Variants in RYR2 observed in about 807,000 individuals in gnomAD.
RYR2 encodes the protein cardiac muscle ryanodine receptor-calcium release channel.
RYR2 carries 227 observed loss-of-function variants against 601.1 expected under a neutral mutation model. The observed-to-expected ratio is 0.38, with a 90% CI of 0.34 to 0.42. The LOEUF (loss-of-function observed/expected upper bound fraction) is 0.42. RYR2 is among the 10% of genes least tolerant of loss of function. RYR2 has a pLI of 1.00. For synonymous variants in RYR2, 2,223 were observed against 2,175.1 expected, an observed-to-expected ratio of 1.02 and a Z score of -0.61; for missense variants, 4,646 against 6,156.5, an observed-to-expected ratio of 0.75 and a Z score of 8.21.
At chr1:237,585,672 G>C (rs1239266446) in intron 29 of RYR2, among the ~76,000 whole-genome samples, 1 of 152,130 alleles carries the variant, frequency 6.6e-6, no homozygotes, top group Non-Finnish European at 1.5e-5. Flanking sequence ...CATAATTTCA[G>C]AAGTAAGAAT....
chr1:237,277,423 A>G (rs1488479205), intron 2 of RYR2, among the ~76,000 whole-genome samples: 1 of 152,178 alleles, frequency 6.6e-6, no homozygotes, highest in Non-Finnish European at 1.5e-5. Context: ...TGAAGATCAG[A>G]CATGGAGAGG....
At chr1:237,662,925 T>C (rs970583870) in intron 56 of RYR2, among the ~76,000 whole-genome samples, 2 of 152,256 alleles carry the variant, frequency 1.3e-5, no homozygotes, top group African/African-American at 4.8e-5. Flanking sequence ...GATCTCTGTT[T>C]GCCTCATTAA....
intron 1 of RYR2, among the ~76,000 whole-genome samples, chr1:237,209,513 G>GTGTGTGTGTGTA (rs1341763130): frequency 6.6e-6 from 1 of 150,572 alleles, no homozygotes; most frequent in African/African-American, 2.4e-5. Context: ...GTGTGTGTGT[G>GTGTGTGTGTGTA]TATTTTTTTT....
chr1:237,635,586 C>G (rs1473427772), intron 44 of RYR2, among the ~76,000 whole-genome samples: 1 of 152,154 alleles, frequency 6.6e-6, no homozygotes, highest in African/African-American at 2.4e-5. Context: ...AATAGCATTC[C>G]AAGTAGTCAC....
At chr1:237,587,711 A>G (rs898733053) in intron 29 of RYR2, among the ~76,000 whole-genome samples, 2 of 152,226 alleles carry the variant, frequency 1.3e-5, no homozygotes, top group Non-Finnish European at 2.9e-5. Context: ...GGACATAAAT[A>G]TTTGTGCATA....
intron 10 of RYR2, among the ~76,000 whole-genome samples, chr1:237,407,411 A>G (rs1704006183): frequency 6.6e-6 from 1 of 152,116 alleles, no homozygotes. Flanking sequence ...TTGTATTCTC[A>G]CCAGCAATGA....
chr1:237,120,621 T>A (rs541487129), intron 1 of RYR2, among the ~76,000 whole-genome samples: 6 of 152,326 alleles, frequency 3.9e-5, no homozygotes, highest in Non-Finnish European at 5.9e-5. Flanking sequence ...AGCCTCTCTC[T>A]CCTCATTGGT....
chr1:237,450,445 A>G (rs1657946664), intron 14 of RYR2, among the ~76,000 whole-genome samples: 1 of 151,330 alleles, frequency 6.6e-6, no homozygotes, highest in Admixed American at 6.6e-5. Flanking sequence ...ATTTGTTTCC[A>G]TTCCTCAGGA....
At chr1:237,694,363 A>T (rs565908625) in intron 63 of RYR2, among the ~76,000 whole-genome samples, 1 of 151,914 alleles carries the variant, frequency 6.6e-6, no homozygotes, top group East Asian at 1.9e-4. Flanking sequence ...ATATTTGAGG[A>T]TTCAGTGTGC....
chr1:237,355,599 T>A (rs1371976506), intron 3 of RYR2, among the ~76,000 whole-genome samples: 1 of 152,190 alleles, frequency 6.6e-6, no homozygotes, highest in Non-Finnish European at 1.5e-5. Flanking sequence ...ATCTTTTTAA[T>A]TAAATCAGTT....
At chr1:237,380,109 G>A (rs1199328450) in intron 8 of RYR2, among the ~76,000 whole-genome samples, 1 of 151,482 alleles carries the variant, frequency 6.6e-6, no homozygotes, top group East Asian at 1.9e-4. Flanking sequence ...GTATAGAGAT[G>A]GTGAATTATT....
chr1:237,243,163 A>T (rs529358620), intron 1 of RYR2, among the ~76,000 whole-genome samples: 26 of 152,196 alleles, frequency 1.7e-4, no homozygotes, highest in Non-Finnish European at 1.9e-4. Context: ...GGTTCCCCAT[A>T]CACCAAGCAT....
chr1:237,782,781 G>A (rs1695229536), intron 89 of RYR2, among the ~76,000 whole-genome samples: 1 of 152,112 alleles, frequency 6.6e-6, no homozygotes, highest in South Asian at 2.1e-4. Context: ...TCAGTTCAAT[G>A]GTAATATTAT....
At chr1:237,392,322 A>G (rs562943798) in intron 10 of RYR2, among the ~76,000 whole-genome samples, 1 of 152,228 alleles carries the variant, frequency 6.6e-6, no homozygotes, top group Non-Finnish European at 1.5e-5. Context: ...AAAAGAGTGT[A>G]ACTGGATTGT....
intron 1 of RYR2, among the ~76,000 whole-genome samples, chr1:237,063,834 T>C (rs1437641877): frequency 6.6e-6 from 1 of 152,190 alleles, no homozygotes; most frequent in Non-Finnish European, 1.5e-5. Flanking sequence ...AACATCTGTG[T>C]TTCTCCTTGT....
chr1:237,266,401 A>G (rs991588765), intron 1 of RYR2, among the ~76,000 whole-genome samples: 2 of 152,038 alleles, frequency 1.3e-5, no homozygotes, highest in Non-Finnish European at 2.9e-5. Context: ...CCTCATGTGC[A>G]TTTCATATAT....
rs546481984 is a variant in RYR2, at chr1:237,482,977, C to G, written c.1709-8829C>G. Among the ~76,000 whole-genome samples, 9 of 152,246 alleles carry G rather than the reference C, an allele frequency of 5.9e-5. No individual in the cohort carries two copies. The South Asian group carries it at 8.3e-4, about 14-fold the overall frequency. On this transcript the variant is annotated intron_variant, in intron 17 of 104. Transcript: ENST00000366574. ...TTCACTGCATTTTTGACTCAGCTCT[C>G]CTGTAATCTCAAGAATGCAAAACTT...
At chr1:237,307,622 ATTTG>A (rs1694006817) in intron 2 of RYR2, among the ~76,000 whole-genome samples, 1 of 151,950 alleles carries the variant, frequency 6.6e-6, no homozygotes, top group African/African-American at 2.4e-5. Flanking sequence ...TGTTTTTCAT[ATTTG>A]TTAGCATTCT....
chr1:237,765,759 TGG>T (rs1205947641), intron 84 of RYR2, among the ~76,000 whole-genome samples: 1 of 152,238 alleles, frequency 6.6e-6, no homozygotes, highest in East Asian at 1.9e-4. Context: ...TGTTGGTTCG[TGG>T]CACCAAATAC....
Sources: gnomAD v4.1 joint callset for allele counts (sites outside exome capture counted in the v4.1 genomes callset) on GRCh38, gnomAD v4.1.1 for gene constraint, MANE v1.5 for transcripts, NCBI Gene and HGNC (gene_info 2026-07-23, HGNC 2026-07-21) for gene names.